CPVL: variants seen among roughly 807,000 people sequenced by gnomAD.
CPVL encodes the protein carboxypeptidase vitellogenic like.
CPVL carries 51 observed loss-of-function variants against 63.7 expected under a neutral mutation model. The ratio of observed to expected loss-of-function variants is 0.80; its 90% CI spans 0.64 to 1.01. The LOEUF (loss-of-function observed/expected upper bound fraction) is 1.01. Among genes scored for constraint, CPVL ranks in the 50% least tolerant of loss-of-function variants. The probability of loss-of-function intolerance (pLI) is 0.00; values close to 1 mark genes in which losing one functional copy is unlikely to be tolerated. For synonymous variants in CPVL, 195 were observed against 206.0 expected, an observed-to-expected ratio of 0.95 and a Z score of 0.46; for missense variants, 530 against 573.1, an observed-to-expected ratio of 0.92 and a Z score of 0.77.
At chr7:29,155,185 C>T (rs1022350360) in intron 5 of CPVL, among the ~76,000 whole-genome samples, 6 of 152,006 alleles carry the variant, frequency 3.9e-5, no homozygotes, top group Non-Finnish European at 8.8e-5. Context: ...AACCATATCA[C>T]TCCATCTCAA....
intron 1 of CPVL, chr7:29,193,862 G>C (rs749466803): frequency 2.6e-5 from 4 of 152,170 alleles, no homozygotes; most frequent in Non-Finnish European, 4.4e-5. Context: ...CGTTTGGACG[G>C]CTCTATTTCT....
At chr7:29,002,471 A>AT (rs930356944) in intron 12 of CPVL, among the ~76,000 whole-genome samples, 10 of 152,158 alleles carry the variant, frequency 6.6e-5, no homozygotes, top group African/African-American at 2.2e-4. Flanking sequence ...TTCTTCATAT[A>AT]TTTTTTGTAC....
intron 2 of CPVL, chr7:29,185,654 A>G (rs1327685224): frequency 1.1e-4 from 17 of 151,880 alleles, no homozygotes; most frequent in Admixed American, 1.1e-3. Context: ...CCACCCTCAG[A>G]TTCTGATTTG....
chr7:29,145,273 G>GAAAA (rs35929858), intron 1 of CPVL, among the ~76,000 whole-genome samples: 1 of 151,184 alleles, frequency 6.6e-6, no homozygotes. Context: ...GCAAAGAATG[G>GAAAA]AAAAAAAATG....
chr7:29,123,656 T>C (rs1209184385), intron 1 of CPVL, among the ~76,000 whole-genome samples: 160 of 106,240 alleles, frequency 1.5e-3, no homozygotes, highest in African/African-American at 5.6e-3. Context: ...TATATATATA[T>C]GCAATATTAA....
chr7:29,137,577 C>T (rs1389239357), intron 1 of CPVL, among the ~76,000 whole-genome samples: 1 of 152,166 alleles, frequency 6.6e-6, no homozygotes, highest in Non-Finnish European at 1.5e-5. Context: ...GGCACAACTG[C>T]CGGCATTCAC....
At chr7:29,026,370 A>C (rs900962646) in intron 12 of CPVL, among the ~76,000 whole-genome samples, 4 of 152,144 alleles carry the variant, frequency 2.6e-5, no homozygotes, top group Non-Finnish European at 5.9e-5. Flanking sequence ...AAAAAAGTAG[A>C]AAGTGTTTAA....
chr7:29,150,183 T>C (rs1012096884), upstream of CPVL, among the ~76,000 whole-genome samples: 1 of 152,340 alleles, frequency 6.6e-6, no homozygotes. Context: ...GTTCAGAGCA[T>C]GGGTCAGACT....
chr7:29,119,010 C>T (rs1044555396), intron 2 of CPVL, among the ~76,000 whole-genome samples: 1 of 152,218 alleles, frequency 6.6e-6, no homozygotes, highest in Non-Finnish European at 1.5e-5. Context: ...CTCTCCTATT[C>T]TGTTAAAGAC....
At chr7:29,147,596 C>T (rs1194901447), upstream of CPVL, among the ~76,000 whole-genome samples, 2 of 152,186 alleles carry the variant, frequency 1.3e-5, no homozygotes, top group Non-Finnish European at 2.9e-5. Flanking sequence ...AATCACCCAG[C>T]ACAAAGTATG....
chr7:29,052,708 G>C (rs935565455), intron 11 of CPVL, among the ~76,000 whole-genome samples: 3 of 152,134 alleles, frequency 2.0e-5, no homozygotes, highest in Non-Finnish European at 4.4e-5. Flanking sequence ...AGGACATCCA[G>C]ACCATCCTGG....
At chr7:29,099,383 T>C (rs1462373989) in intron 3 of CPVL, among the ~76,000 whole-genome samples, 1 of 152,212 alleles carries the variant, frequency 6.6e-6, no homozygotes, top group Non-Finnish European at 1.5e-5. Flanking sequence ...CAAATGTCTA[T>C]GAACAAGTCA....
At position 29,165,349 on chromosome 7, in the gene CPVL, A is replaced by G. The variant is rs184805674; in HGVS notation, c.-11+15941T>C. 2.6e-3 allele frequency among the ~76,000 whole-genome samples: 394 copies of G among 152,312 alleles called. 8 individuals are homozygous for G. The highest frequency in any genetic ancestry group is 6.6e-4 in the Non-Finnish European group (45 of 68,020). ...TTGATCTTTACTACTGTATAGAAAC[A>G]AAATTGATTTTTATATATTACTCTT... On this transcript the variant is annotated intron_variant, in intron 5 of 16. Coordinates refer to the CPVL transcript ENST00000409850.
intron 2 of CPVL, 196 bp from the exon 3 acceptor site, chr7:29,113,018 G>C: frequency 2.1e-6 from 1 of 483,488 alleles, no homozygotes. Context: ...ATTTAGCCAA[G>C]GATATGTGAA....
At chr7:29,087,768 T>C (rs1268103132) in intron 6 of CPVL, among the ~76,000 whole-genome samples, 3 of 152,140 alleles carry the variant, frequency 2.0e-5, no homozygotes, top group Non-Finnish European at 2.9e-5. Context: ...AGAGGCAAAA[T>C]TGGGTCATTA....
At chr7:29,153,501 A>G (rs1793901348) in intron 5 of CPVL, among the ~76,000 whole-genome samples, 1 of 152,184 alleles carries the variant, frequency 6.6e-6, no homozygotes, top group Non-Finnish European at 1.5e-5. Flanking sequence ...TGTGAAGACA[A>G]TGAGGATGAA....
At chr7:29,194,195 C>G (rs1783271625) in intron 1 of CPVL, 1 of 151,620 alleles carries the variant, frequency 6.6e-6, no homozygotes, top group Admixed American at 6.6e-5. Context: ...TCCCCCACAC[C>G]CTCCCTCCCC....
chr7:29,067,110 T>C (rs985688438), intron 9 of CPVL, among the ~76,000 whole-genome samples: 4 of 151,874 alleles, frequency 2.6e-5, no homozygotes, highest in Non-Finnish European at 5.9e-5. Context: ...GAGGTGGTAG[T>C]TGGAGAAAGA....
intron 5 of CPVL, among the ~76,000 whole-genome samples, chr7:29,169,433 G>A (rs1475431819): frequency 6.6e-6 from 1 of 151,892 alleles, no homozygotes; most frequent in African/African-American, 2.4e-5. Context: ...TACCATTAGT[G>A]ATTTGTCCTA....
Sources: gnomAD v4.1 joint callset for allele counts (sites outside exome capture counted in the v4.1 genomes callset) on GRCh38, gnomAD v4.1.1 for gene constraint, MANE v1.5 for transcripts, NCBI Gene and HGNC (gene_info 2026-07-23, HGNC 2026-07-21) for gene names.